The following KRT72 variants were observed in gnomAD, a reference collection of about 807,000 sequenced individuals.
The protein encoded by KRT72 is keratin 72.
Under a neutral mutation model 44.7 loss-of-function variants are expected in KRT72, and 44 were observed. That is an observed-to-expected ratio of 0.98 (90% CI 0.77 to 1.27). KRT72 has a LOEUF of 1.27. Among genes scored for constraint, KRT72 ranks in the 50% most tolerant of loss-of-function variants. The probability of loss-of-function intolerance (pLI) is 0.00; values close to 1 mark genes in which losing one functional copy is unlikely to be tolerated. For synonymous variants in KRT72, 302 were observed against 280.4 expected, an observed-to-expected ratio of 1.08 and a Z score of -0.77; for missense variants, 736 against 667.1, an observed-to-expected ratio of 1.10 and a Z score of -1.14.
chr12:52,602,695 G>A (rs998717903), upstream of KRT72, among the ~76,000 whole-genome samples: 5 of 152,196 alleles, frequency 3.3e-5, no homozygotes, highest in Non-Finnish European at 4.4e-5. Flanking sequence ...CTTGGCCAAA[G>A]GGACATTTAG....
Position 52,585,983 on chromosome 12 carries a change from C to T in KRT72, c.1535G>A (p.Ter512=). Residue 512 remains the stop codon, a stop_retained_variant, in exon 9 of 9, where the codon TGA becomes TAA. Coordinates refer to ENST00000293745, the MANE Select transcript of KRT72 (RefSeq NM_080747.3). ...CTCACAGAGCCAACCACTTGTCCAT[C>T]ATCTGGAGGCCTTTTTGGTGGCACA... ...SSCATKKASR[*] is the part of the protein sequence containing the mutation. 1 of 1,611,596 alleles carries T rather than the reference C, an allele frequency of 6.2e-7. No homozygotes were observed. Among genetic ancestry groups the T allele is most frequent in the Non-Finnish European group, 8.5e-7 (1 of 1,178,422 alleles).
At chr12:52,596,577 A>C (rs1592231120) in intron 2 of KRT72, among the ~76,000 whole-genome samples, 1 of 150,952 alleles carries the variant, frequency 6.6e-6, no homozygotes, top group Non-Finnish European at 1.5e-5. Context: ...TTTTAGACAG[A>C]ATCTTGCTCT....
At chr12:52,591,260 G>A (rs559470722) in intron 5 of KRT72, among the ~76,000 whole-genome samples, 52 of 152,288 alleles carry the variant, frequency 3.4e-4, no homozygotes, top group Non-Finnish European at 6.2e-4. Flanking sequence ...ATATATGTCC[G>A]CAAAACAAGC....
chr12:52,586,050 T>A lies in KRT72; in HGVS notation c.1468A>T (p.Ser490Cys). The change falls in exon 9 of 9, where the codon AGT becomes TGT. Residue 490 changes from serine to cysteine, a missense_variant. Ser to Cys is a moderately radical substitution (Grantham distance 112). Transcript: ENST00000293745. ...ADVKTKGSCGSELKDPLAKTS... is the reference protein window; with the variant it reads ...ADVKTKGSCGCELKDPLAKTS... Reference sequence around the variant, plus strand: ...TTGGCAAGGGGATCCTTGAGCTCACTGCCACAGCTGCCTTTGGTCTTGACG... The same window carrying A: ...TTGGCAAGGGGATCCTTGAGCTCACAGCCACAGCTGCCTTTGGTCTTGACG... 1 of 1,614,214 alleles carries A rather than the reference T, an allele frequency of 6.2e-7. No individual in the cohort carries two copies. The highest frequency in any genetic ancestry group is 8.5e-7 in the Non-Finnish European group (1 of 1,180,046).
In KRT72 at chr12:52,598,900, C is replaced by T. The variant is rs201576778; in HGVS notation, c.639G>A (p.Lys213=). The change falls in exon 2 of 9, where the codon AAG becomes AAA. Residue 213 remains lysine (K), a splice_region_variant and synonymous_variant. Transcript: ENST00000293745. The stretch of plus-strand genomic sequence containing the variant: ...CATATTCCCTGCCACTCACTCACCT[C>T]TTCTTGTAGTCCTCCACCAAATCCT... The part of the protein sequence containing the change: ...NMQDLVEDYK[K]RYEVEINRRT... 1.7e-4 allele frequency: 282 copies of T among 1,614,092 alleles called. No individual in the cohort carries two copies. In the Middle Eastern group the frequency reaches 8.1e-3, roughly 46 times the overall value.
intron 1 of KRT72, among the ~76,000 whole-genome samples, chr12:52,599,919 T>G (rs1200461367): frequency 2.0e-5 from 1 of 50,228 alleles, no homozygotes; most frequent in African/African-American, 3.0e-4. Flanking sequence ...TCATGGGTTG[T>G]GATTGTAAAT....
chr12:52,591,319 GC>G, intron 5 of KRT72, 144 bp downstream of exon 5: 1 of 850,170 alleles, frequency 1.2e-6, no homozygotes, highest in Non-Finnish European at 1.8e-6. Flanking sequence ...TTTCCGCAAG[GC>G]CCAACTTCAA....
chr12:52,594,161 C>T (rs1034949434), intron 2 of KRT72, among the ~76,000 whole-genome samples: 3 of 152,164 alleles, frequency 2.0e-5, no homozygotes, highest in Non-Finnish European at 4.4e-5. Flanking sequence ...TAAGGCATGT[C>T]CCTGGAAGCC....
Position 52,592,452 on chromosome 12 carries a change from C to A in KRT72, c.742G>T (p.Ala248Ser). The A allele has an allele frequency of 6.2e-7, 1 of 1,614,162 alleles. No individual in the cohort carries two copies. The highest frequency in any genetic ancestry group is 8.5e-7 in the Non-Finnish European group (1 of 1,180,004). ...TCATCTGTCAAGGAGTCCACCTTGGCCTGGAGCTCAACCTTATTCATGTAA... is the reference window on the plus strand; with the variant it reads ...TCATCTGTCAAGGAGTCCACCTTGGACTGGAGCTCAACCTTATTCATGTAA... Reference protein sequence around the residue: ...AAYMNKVELQAKVDSLTDEIK... With the variant: ...AAYMNKVELQSKVDSLTDEIK... Residue 248 changes from alanine to serine, a missense_variant, in exon 4 of 9, where the codon GCC (alanine) becomes TCC (serine). By Grantham distance (99) the Ala-to-Ser change is moderately conservative (BLOSUM62 1). Transcript: ENST00000293745.
intron 2 of KRT72, among the ~76,000 whole-genome samples, chr12:52,593,814 TAG>T (rs2120771156): frequency 6.6e-6 from 1 of 152,280 alleles, no homozygotes; most frequent in African/African-American, 2.4e-5. Flanking sequence ...GTGAGATACT[TAG>T]AGTAGTCTAA....
At chr12:52,597,202 C>A (rs941135354) in intron 2 of KRT72, among the ~76,000 whole-genome samples, 1 of 152,150 alleles carries the variant, frequency 6.6e-6, no homozygotes, top group Non-Finnish European at 1.5e-5. Flanking sequence ...AATTTTTTAA[C>A]TGTGAAATGT....
At chr12:52,588,953 T>A (rs1354696716) in intron 6 of KRT72, among the ~76,000 whole-genome samples, 1 of 151,896 alleles carries the variant, frequency 6.6e-6, no homozygotes, top group African/African-American at 2.4e-5. Flanking sequence ...TGAGCCCAGA[T>A]TGTGCCACAG....
In KRT72 at chr12:52,601,033, G is replaced by A. The variant is rs200657952; in HGVS notation, c.420C>T (p.Ile140=). Residue 140 remains isoleucine (I), a synonymous_variant, in exon 1 of 9, where the codon ATC becomes ATT. Coordinates refer to ENST00000293745, the MANE Select transcript of KRT72 (RefSeq NM_080747.3). ...KALNNKFASF[I]DKVRFLEQQN... The stretch of plus-strand genomic sequence containing the variant: ...CCAATGCCCGAGGACTCACCTTGTC[G>A]ATGAAGGAGGCGAACTTGTTGTTTA... The A allele has an allele frequency of 1.0e-4, 166 of 1,611,742 alleles. No homozygotes were observed. The East Asian group carries it at 3.2e-3, about 31-fold the overall frequency.
At position 52,601,343 on chromosome 12, in the gene KRT72, C is replaced by A. The variant is rs61747194; in HGVS notation, c.110G>T (p.Arg37Leu). 3 of 1,545,132 alleles carry A rather than the reference C, an allele frequency of 1.9e-6. No homozygotes were observed. Among genetic ancestry groups the A allele is most frequent in the Non-Finnish European group, 2.6e-6 (3 of 1,146,860 alleles). The change falls in exon 1 of 9, where the codon CGG becomes CTG. Residue 37 changes from arginine (R) to leucine (L), a missense_variant. By Grantham distance (102) the Arg-to-Leu change is moderately radical. Coordinates refer to ENST00000293745, the MANE Select transcript of KRT72 (RefSeq NM_080747.3). ...GCCAAAGGAGGCCGAGCCCTTGACC[C>A]GGGCCCGGAATGAGGCGGAGCTGCT... is the stretch of plus-strand genomic sequence containing the variant. ...IGSSSASFRA[R>L]VKGSASFGSK...
rs1449035369 is a variant in KRT72 at position 52,601,358 on chromosome 12, G to A, written c.95C>T (p.Ala32Val). 6.5e-7 allele frequency: 1 copy of A among 1,543,960 alleles called. No homozygotes were observed. The highest frequency in any genetic ancestry group is 1.2e-5 in the South Asian group (1 of 84,062). Residue 32 changes from alanine to valine, a missense_variant, in exon 1 of 9, where the codon GCC becomes GTC. Ala to Val is a moderately conservative substitution (Grantham distance 64, BLOSUM62 0). Coordinates refer to ENST00000293745, the MANE Select transcript of KRT72 (RefSeq NM_080747.3). ...VLSGGIGSSSASFRARVKGSA... is the reference protein window; with the variant it reads ...VLSGGIGSSSVSFRARVKGSA... ...GCCCTTGACCCGGGCCCGGAATGAG[G>A]CGGAGCTGCTGCCGATCCCGCCAGA...
chr12:52,590,691 C>T (rs1939968583), intron 6 of KRT72, 145 bp downstream of exon 6: 1 of 744,012 alleles, frequency 1.3e-6, no homozygotes, highest in Non-Finnish European at 2.0e-6. Flanking sequence ...TGCTTTATCC[C>T]TCCATATCTG....
Position 52,599,014 on chromosome 12 carries a change from A to G in KRT72, c.525T>C (p.Ile175=). 9 of 1,613,894 alleles carry G rather than the reference A, an allele frequency of 5.6e-6. No individual in the cohort carries two copies. Among genetic ancestry groups the G allele is most frequent in the Non-Finnish European group, 7.6e-6 (9 of 1,179,854 alleles). ...GCAGGTTGCTGATGTAGCCCTCATA[A>G]ATGGGCTCCAGGTTCTTCCTGCAGT... The part of the protein sequence containing the change: ...LNNCRKNLEP[I]YEGYISNLQK... The change falls in exon 2 of 9, where the codon ATT becomes ATC. Residue 175 remains isoleucine, a synonymous_variant. Coordinates refer to ENST00000293745, the MANE Select transcript of KRT72 (RefSeq NM_080747.3).
chr12:52,600,755 G>A (rs1476135362), intron 1 of KRT72, among the ~76,000 whole-genome samples: 1 of 151,296 alleles, frequency 6.6e-6, no homozygotes, highest in Non-Finnish European at 1.5e-5. Context: ...TCTCGGGTAT[G>A]TCTTTATCAG....
At chr12:52,602,048 CTG>C (rs1940490681), upstream of KRT72, among the ~76,000 whole-genome samples, 1 of 152,186 alleles carries the variant, frequency 6.6e-6, no homozygotes, top group African/African-American at 2.4e-5. Context: ...ACCTCTCAGT[CTG>C]TTGGAGAAGG....
Sources: gnomAD v4.1 joint callset for allele counts (sites outside exome capture counted in the v4.1 genomes callset) on GRCh38, gnomAD v4.1.1 for gene constraint, MANE v1.5 for transcripts, NCBI Gene and HGNC (gene_info 2026-07-23, HGNC 2026-07-21) for gene names.